Variants in CCK observed in about 807,000 individuals in gnomAD.
CCK encodes cholecystokinin triacontatriapeptide.
A neutral mutation model predicts 10.1 loss-of-function variants in CCK; 11 were observed. The observed-to-expected ratio is 1.09, with a 90% CI of 0.69 to 1.81. The LOEUF is 1.81. Ranked by LOEUF, CCK falls within the 40% of genes most tolerant of loss-of-function variation. The probability of loss-of-function intolerance (pLI) is 0.00; values close to 1 mark genes in which losing one functional copy is unlikely to be tolerated. For synonymous variants in CCK, 83 were observed against 71.9 expected, an observed-to-expected ratio of 1.15 and a Z score of -0.78; for missense variants, 137 against 159.9, an observed-to-expected ratio of 0.86 and a Z score of 0.77.
rs777246270 is a variant in CCK at position 42,258,117 on chromosome 3, T to A, written c.329A>T (p.Glu110Val). Residue 110 changes from glutamate to valine, a missense_variant, in exon 5 of 5, where the codon GAG becomes GTG. Physicochemically the swap from Glu to Val is moderately radical, Grantham distance 121. Transcript: ENST00000396169. ...GGTCCTCTAGGAGGGGTACTCATACTCCTCGGCACTGCGACGGCCAAAATC... is the reference window on the plus strand; with the variant it reads ...GGTCCTCTAGGAGGGGTACTCATACACCTCGGCACTGCGACGGCCAAAATC... Reference protein sequence around the residue: ...WMDFGRRSAEEYEYPS With the variant: ...WMDFGRRSAEVYEYPS 6.2e-7 allele frequency: 1 copy of A among 1,614,054 alleles called. No homozygotes were observed.
intron 3 of CCK, among the ~76,000 whole-genome samples, chr3:42,264,267 G>A (rs967676763): frequency 6.6e-6 from 1 of 152,172 alleles, no homozygotes; most frequent in East Asian, 1.9e-4. Flanking sequence ...CGAAAGCCCC[G>A]TGCATTTTAG....
rs192002703 is a variant in CCK at position 42,259,564 on chromosome 3, G to C, written c.215-1333C>G. On this transcript the variant is annotated intron_variant, in intron 4 of 4. Transcript: ENST00000396169. The stretch of plus-strand genomic sequence containing the variant: ...GGCACCTCAGTAAGACTCAAAGAAG[G>C]GGGGGAGAGAGGTGATAACAAAGGT... 1.1e-4 allele frequency among the ~76,000 whole-genome samples: 17 copies of C among 152,118 alleles called. No individual in the cohort carries two copies. The South Asian group carries it at 1.2e-3, about 11-fold the overall frequency.
rs774209373 is a variant in CCK at position 42,263,586 on chromosome 3, C to A, written c.45G>T (p.Ala15=). 6.2e-7 allele frequency: 1 copy of A among 1,607,228 alleles called. No homozygotes were observed. Among genetic ancestry groups the A allele is most frequent in the Admixed American group, 1.7e-5 (1 of 59,416 alleles). The change falls in exon 4 of 5, where the codon GCG becomes GCT. Residue 15 remains alanine, a synonymous_variant. Transcript: ENST00000396169. ...VCLCVLMAVL[A]AGALTQPVPP... is the part of the protein sequence containing the mutation. ...GCACCGGCTGCGTCAGGGCGCCAGC[C>A]GCCAGTACCGCCATCAGCACGCACA...
chr3:42,261,707 AG>A (rs1711216989), intron 4 of CCK, among the ~76,000 whole-genome samples: 1 of 152,020 alleles, frequency 6.6e-6, no homozygotes, highest in Admixed American at 6.6e-5. Context: ...CCTACATAGA[AG>A]AAAAACCAGG....
intron 4 of CCK, among the ~76,000 whole-genome samples, chr3:42,259,034 G>A: frequency 6.6e-6 from 1 of 152,206 alleles, no homozygotes; most frequent in East Asian, 1.9e-4. Context: ...TAAAAAGGAT[G>A]CGTTCATGTC....
intron 1 of CCK, 43 bp from the exon 2 acceptor site, chr3:42,265,480 T>A (rs1235917304): frequency 6.6e-6 from 1 of 152,154 alleles, no homozygotes; most frequent in East Asian, 1.9e-4. Flanking sequence ...CTCAGAGGAA[T>A]CCGGTTTGGG....
At position 42,263,479 on chromosome 3, in the gene CCK, T is replaced by C; in HGVS notation, c.152A>G (p.Asp51Gly). The change falls in exon 4 of 5, where the codon GAT becomes GGT. Residue 51 changes from aspartate to glycine, a missense_variant. By Grantham distance (94) the Asp-to-Gly change is moderately conservative. Transcript: ENST00000396169. The stretch of plus-strand genomic sequence containing the variant: ...GCCCAGGTGCGCTCGGGACTCGCCA[T>C]CCGTTCTCTGCGATACCCTCAGCTG... ...RRQLRVSQRT[D>G]GESRAHLGAL... is the part of the protein sequence containing the mutation. 1 of 1,614,130 alleles carries C rather than the reference T, an allele frequency of 6.2e-7. No individual in the cohort carries two copies. Among genetic ancestry groups the C allele is most frequent in the Non-Finnish European group, 8.5e-7 (1 of 1,180,022 alleles).
intron 3 of CCK, among the ~76,000 whole-genome samples, chr3:42,264,400 TC>T (rs1416828746): frequency 6.6e-6 from 1 of 152,126 alleles, no homozygotes; most frequent in South Asian, 2.1e-4. Context: ...GATTGCAAAG[TC>T]CCCCGCACCG....
chr3:42,262,607 A>C (rs979320973), intron 4 of CCK, among the ~76,000 whole-genome samples: 1 of 152,214 alleles, frequency 6.6e-6, no homozygotes, highest in Non-Finnish European at 1.5e-5. Flanking sequence ...CACTGGGGAT[A>C]AAGTTGGCAG....
At chr3:42,262,629 C>A (rs1198282308) in intron 4 of CCK, among the ~76,000 whole-genome samples, 1 of 152,156 alleles carries the variant, frequency 6.6e-6, no homozygotes, top group Admixed American at 6.5e-5. Context: ...AAAAAGCTGC[C>A]CCAATCCAAA....
At chr3:42,263,269 A>T in intron 4 of CCK, 148 bp downstream of exon 4, 1 of 1,227,764 alleles carries the variant, frequency 8.1e-7, no homozygotes, top group Non-Finnish European at 1.2e-6. Flanking sequence ...ACCCCTTCTC[A>T]GATTGCTACA....
chr3:42,261,824 T>A (rs989548571), intron 4 of CCK, among the ~76,000 whole-genome samples: 1 of 152,144 alleles, frequency 6.6e-6, no homozygotes, highest in Non-Finnish European at 1.5e-5. Flanking sequence ...TGGGGACAGA[T>A]ACTAAATTAT....
At chr3:42,263,684 G>A in intron 3 of CCK, 52 bp from the exon 4 acceptor site, 2 of 1,462,898 alleles carry the variant, frequency 1.4e-6, no homozygotes, top group Non-Finnish European at 9.1e-7. Flanking sequence ...GGGCAACAGA[G>A]CTCCTGCGGC....
intron 4 of CCK, among the ~76,000 whole-genome samples, chr3:42,259,575 G>A (rs1711185620): frequency 6.6e-6 from 1 of 152,074 alleles, no homozygotes; most frequent in African/African-American, 2.4e-5. Flanking sequence ...GGGGGAGAGA[G>A]GTGATAACAA....
At chr3:42,259,176 G>A (rs890858359) in intron 4 of CCK, among the ~76,000 whole-genome samples, 1 of 151,956 alleles carries the variant, frequency 6.6e-6, no homozygotes, top group Non-Finnish European at 1.5e-5. Flanking sequence ...CACAGGGAGG[G>A]GAACATCACA....
At position 42,257,932 on chromosome 3, in the gene CCK, G is replaced by T; in HGVS notation, c.*166C>A. 1.5e-6 allele frequency: 1 copy of T among 659,450 alleles called. No homozygotes were observed. Among genetic ancestry groups the T allele is most frequent in the Non-Finnish European group, 2.5e-6 (1 of 397,906 alleles). 40.8% of individuals were successfully genotyped at this position (659,450 alleles called of 1,614,324 possible). On this transcript the variant is annotated 3_prime_UTR_variant, in exon 5 of 5. Transcript: ENST00000396169. ...CACAATTCTGGTGAGGTGTGTGGTT[G>T]CACTGGACAATCTTACAGACACATT...
At position 42,257,836 on chromosome 3, in the gene CCK, T is replaced by C. The variant is rs754503440; in HGVS notation, c.*262A>G. On this transcript the variant is annotated 3_prime_UTR_variant, in exon 5 of 5. Coordinates refer to ENST00000396169, the MANE Select transcript of CCK (RefSeq NM_000729.6). ...CAGGGAACGACAGGGCAGAATGAAA[T>C]CACTTTAATAGCATAACAACATTTT... The C allele has an allele frequency of 5.2e-6, 2 of 386,264 alleles. No individual in the cohort carries two copies. The highest frequency in any genetic ancestry group is 9.3e-6 in the Non-Finnish European group (2 of 216,114). 23.9% of individuals were successfully genotyped at this position (386,264 alleles called of 1,614,324 possible). A position where few individuals can be genotyped will look rare whatever the true frequency, so the allele number is the denominator to read the frequency against.
rs568402659 is a variant in CCK at position 42,264,815 on chromosome 3, G to A, written c.-121C>T. On this transcript the variant is annotated 5_prime_UTR_variant, in exon 3 of 5. The change creates a premature stop within an existing upstream ORF in the 5' untranslated region. Coordinates refer to ENST00000396169, the MANE Select transcript of CCK (RefSeq NM_000729.6). ...TTAAATAGCCCCACCCGGCGGCGTC[G>A]GCCAGTCATGTATTTACCCAACGCT... 6.6e-6 allele frequency: 1 copy of A among 152,272 alleles called. No homozygotes were observed. The highest frequency in any genetic ancestry group is 2.4e-5 in the African/African-American group (1 of 41,408). The allele number at this position is 152,272 out of a possible 1,614,324, so 9.4% of individuals were successfully genotyped here.
Position 42,266,011 on chromosome 3 carries a change from C to G in CCK, c.-710G>C, listed in dbSNP as rs1711282747. On this transcript the variant is annotated 5_prime_UTR_variant, in exon 1 of 5. Coordinates refer to ENST00000396169, the MANE Select transcript of CCK (RefSeq NM_000729.6). ...GGCTCCACAACACGCCCCTCGCCCT[C>G]TCCGTGCACCGAGGCCGCCCAGCCT... 1 of 152,284 alleles carries G rather than the reference C, an allele frequency of 6.6e-6. No homozygotes were observed. The highest frequency in any genetic ancestry group is 6.5e-5 in the Admixed American group (1 of 15,286). The allele number at this position is 152,284 out of a possible 1,614,324, so 9.4% of individuals were successfully genotyped here. A position where few individuals can be genotyped will look rare whatever the true frequency, so the allele number is the denominator to read the frequency against.
Sources: allele counts gnomAD v4.1 joint callset (sites outside exome capture counted in the v4.1 genomes callset), GRCh38; gene constraint gnomAD v4.1.1; transcripts MANE v1.5; gene names NCBI Gene and HGNC (gene_info 2026-07-23, HGNC 2026-07-21).